VPS13B: variants seen among roughly 807,000 people sequenced by gnomAD.
VPS13B encodes vacuolar protein sorting 13 homolog B, also known as intermembrane lipid transfer protein VPS13B.
A neutral mutation model predicts 426.4 loss-of-function variants in VPS13B; 285 were observed. That is an observed-to-expected ratio of 0.67 (90% CI 0.61 to 0.74). The LOEUF (loss-of-function observed/expected upper bound fraction) is 0.74. VPS13B is among the 30% of genes least tolerant of loss of function. VPS13B has a pLI of 0.00. For missense variants in VPS13B, 4,537 were observed against 4,782.6 expected (o/e 0.95, Z 1.51); for synonymous variants, 1,676 against 1,676.4 (o/e 1.00, Z 0.01).
intron 43 of VPS13B, among the ~76,000 whole-genome samples, chr8:99,789,077 C>T (rs1812416772): frequency 6.6e-6 from 1 of 152,096 alleles, no homozygotes; most frequent in Admixed American, 6.6e-5. Flanking sequence ...ACAGAAAGTT[C>T]TCCAATTTTT....
At chr8:99,693,169 C>G (rs202077770) in intron 35 of VPS13B, among the ~76,000 whole-genome samples, 33,486 of 142,632 alleles carry the variant, frequency 0.23, 4,566 homozygotes, top group East Asian at 0.4. Flanking sequence ...AATAGAAAAA[C>G]AGGGAATCCT....
At chr8:99,596,901 C>T (rs759904564) in intron 33 of VPS13B, among the ~76,000 whole-genome samples, 1 of 151,940 alleles carries the variant, frequency 6.6e-6, no homozygotes, top group African/African-American at 2.4e-5. Context: ...AACCAGCATC[C>T]GTAGCTAGAG....
intron 35 of VPS13B, among the ~76,000 whole-genome samples, chr8:99,695,644 C>T (rs1213217143): frequency 7.6e-6 from 1 of 132,420 alleles, no homozygotes; most frequent in South Asian, 2.7e-4. Context: ...CACATGTATA[C>T]ATATGTAACT....
rs554230536 is a variant in VPS13B at position 99,501,896 on chromosome 8, GTCCC to G, written c.4042+68_4042+71del. The G allele has an allele frequency of 0.13, 186,513 of 1,386,272 alleles. 18,237 individuals carry two copies. The highest frequency in any genetic ancestry group is 0.36 in the Admixed American group (17,984 of 50,096). The allele number at this position is 1,386,272 out of a possible 1,614,324, so 85.9% of individuals were successfully genotyped here. On this transcript the variant is annotated intron_variant, in intron 26 of 61. Transcript: ENST00000357162. ...TTTTCTTTCTTCCCTCCCTCCCTCTGTCCCTCCCTCCCTCCCTCCCTCCCTCCCT... is the reference window on the plus strand; with the variant it reads ...TTTTCTTTCTTCCCTCCCTCCCTCTGTCCCTCCCTCCCTCCCTCCCTCCCT...
intron 29 of VPS13B, among the ~76,000 whole-genome samples, chr8:99,515,778 T>C (rs570001943): frequency 5.3e-5 from 8 of 152,282 alleles, no homozygotes; most frequent in African/African-American, 1.9e-4. Flanking sequence ...GATGTCTAAT[T>C]GCCTTCCTAA....
chr8:99,557,548 C>T (rs1322781863), intron 31 of VPS13B, among the ~76,000 whole-genome samples: 5 of 152,166 alleles, frequency 3.3e-5, no homozygotes, highest in Middle Eastern at 3.4e-3. Context: ...CATTGGTTGA[C>T]GGGCACTTCG....
intron 3 of VPS13B, among the ~76,000 whole-genome samples, chr8:99,039,383 T>C (rs1479614086): frequency 1.3e-5 from 2 of 152,164 alleles, no homozygotes; most frequent in Admixed American, 1.3e-4. Context: ...TTACATTTCT[T>C]GCTAGTGTTT....
chr8:99,400,079 C>G (rs993676945), intron 21 of VPS13B, among the ~76,000 whole-genome samples: 8 of 152,134 alleles, frequency 5.3e-5, no homozygotes, highest in African/African-American at 1.9e-4. Context: ...TCTATTTTTA[C>G]TTTGAAGGTA....
intron 31 of VPS13B, among the ~76,000 whole-genome samples, chr8:99,570,627 T>C (rs568579220): frequency 7.0e-4 from 107 of 152,182 alleles, no homozygotes; most frequent in Non-Finnish European, 1.4e-3. Context: ...TTTATTGTAA[T>C]TTAGTATCTA....
intron 19 of VPS13B, chr8:99,346,171 G>A (rs716454): frequency 0.72 from 110,292 of 152,202 alleles, 40,643 homozygotes; most frequent in Middle Eastern, 0.83. Context: ...TCCTCTTGGA[G>A]TTCTTGATGA....
chr8:99,644,193 A>G (rs917648676), intron 34 of VPS13B, among the ~76,000 whole-genome samples: 14 of 152,174 alleles, frequency 9.2e-5, no homozygotes, highest in Non-Finnish European at 4.4e-5. Flanking sequence ...TTCAAGCCCA[A>G]CCTAAGGATA....
chr8:99,729,884 G>A (rs1284351755), intron 39 of VPS13B, among the ~76,000 whole-genome samples: 2 of 152,132 alleles, frequency 1.3e-5, no homozygotes, highest in African/African-American at 4.8e-5. Flanking sequence ...GACTTTTGCT[G>A]CTTTAAATTT....
intron 42 of VPS13B, among the ~76,000 whole-genome samples, chr8:99,781,935 T>C (rs977690199): frequency 3.3e-5 from 5 of 152,116 alleles, no homozygotes; most frequent in East Asian, 1.9e-4. Flanking sequence ...GTTGATTATA[T>C]AATGCTCAAT....
At position 99,383,945 on chromosome 8, in the gene VPS13B, G is replaced by A. The variant is rs149793635; in HGVS notation, c.2825-263G>A. On this transcript the variant is annotated intron_variant, in intron 19 of 61. Coordinates refer to ENST00000357162, the MANE Select transcript of VPS13B (RefSeq NM_152564.5). ...CATTTGAATACAAGTTTTTGTGTGG[G>A]CATAAGTTTTCGGTGCCCACATTTC... is the stretch of plus-strand genomic sequence containing the variant. Among the ~76,000 whole-genome samples, 563 of 152,222 alleles carry A rather than the reference G, an allele frequency of 3.7e-3. 3 individuals carry two copies. Among genetic ancestry groups the A allele is most frequent in the African/African-American group, 0.012 (497 of 41,526 alleles).
intron 34 of VPS13B, among the ~76,000 whole-genome samples, chr8:99,656,615 A>G (rs1830027589): frequency 6.6e-6 from 1 of 152,200 alleles, no homozygotes; most frequent in South Asian, 2.1e-4. Flanking sequence ...CAGGACAGGA[A>G]GACTAGGAGT....
chr8:99,735,172 A>C (rs1833771472), intron 39 of VPS13B, among the ~76,000 whole-genome samples: 1 of 152,230 alleles, frequency 6.6e-6, no homozygotes, highest in African/African-American at 2.4e-5. Context: ...AAAAGTAAAG[A>C]GTTCAAAGAC....
chr8:99,649,849 G>A lies in VPS13B; in HGVS notation c.5908+7351G>A, dbSNP rs150528643. ...GCACCACAATATAGGGCTCACTCTC[G>A]AGTTAAACTTATAAAAGAAGACACA... On this transcript the variant is annotated intron_variant, in intron 34 of 61. Transcript: ENST00000357162. 2.6e-5 allele frequency among the ~76,000 whole-genome samples: 4 copies of A among 152,218 alleles called. No homozygotes were observed. The East Asian group carries it at 5.8e-4, about 22-fold the overall frequency.
intron 19 of VPS13B, among the ~76,000 whole-genome samples, chr8:99,313,715 G>T (rs961317529): frequency 1.3e-5 from 2 of 152,192 alleles, no homozygotes; most frequent in African/African-American, 4.8e-5. Context: ...GGATATTTAA[G>T]TCTGCAGAGG....
At chr8:99,267,641 C>T (rs764968850) in intron 17 of VPS13B, among the ~76,000 whole-genome samples, 38 of 151,608 alleles carry the variant, frequency 2.5e-4, no homozygotes, top group African/African-American at 6.8e-4. Flanking sequence ...GCAGGAGAAT[C>T]GCTTGAACCA....
Sources: gnomAD v4.1 joint callset for allele counts (sites outside exome capture counted in the v4.1 genomes callset) on GRCh38, gnomAD v4.1.1 for gene constraint, MANE v1.5 for transcripts, NCBI Gene and HGNC (gene_info 2026-07-23, HGNC 2026-07-21) for gene names.